Variants in LRRC70 observed in about 807,000 individuals in gnomAD.
LRRC70 encodes leucine-rich repeat-containing protein 70.
LRRC70 carries 31 observed loss-of-function variants against 42.4 expected under a neutral mutation model. That is an observed-to-expected ratio of 0.73 (90% CI 0.55 to 0.99). The LOEUF (loss-of-function observed/expected upper bound fraction) is 0.99, where lower values mean the gene tolerates loss of function less well. Among genes scored for constraint, LRRC70 ranks in the 50% least tolerant of loss-of-function variants. LRRC70 has a pLI of 0.00. For synonymous variants in LRRC70, 270 were observed against 262.9 expected (o/e 1.03, Z -0.26); for missense variants, 643 against 707.5 (o/e 0.91, Z 1.03).
rs1744502675 is a variant in LRRC70, at chr5:62,580,331, TGTTA to T, written c.894_897del (p.Leu299ArgfsTer3). ...AATTTAAATTCTGACACATTCAGTT[TGTTA>T]AAGAATTTAATTTACCTTAAGTTAG... On this transcript the variant is annotated frameshift_variant, in exon 2 of 2. Transcript: ENST00000334994. LOFTEE classifies it high-confidence loss of function. 3 of 1,539,254 alleles carry T rather than the reference TGTTA, an allele frequency of 1.9e-6. No individual in the cohort carries two copies. Among genetic ancestry groups the T allele is most frequent in the Non-Finnish European group, 2.6e-6 (3 of 1,135,956 alleles).
chr5:62,579,955 A>G lies in LRRC70; in HGVS notation c.517A>G (p.Ser173Gly). 1 of 1,551,232 alleles carries G rather than the reference A, an allele frequency of 6.4e-7. No homozygotes were observed. The highest frequency in any genetic ancestry group is 8.7e-7 in the Non-Finnish European group (1 of 1,146,728). ...LQRNRLTVLG[S>G]GTFVGMVALR... is the part of the protein sequence containing the mutation. Reference sequence around the variant, plus strand: ...AAGGAATCGCCTCACTGTCCTTGGGAGTGGTACCTTTGTTGGTATGGTTGC... The same window carrying G: ...AAGGAATCGCCTCACTGTCCTTGGGGGTGGTACCTTTGTTGGTATGGTTGC... Residue 173 changes from serine to glycine, a missense_variant, in exon 2 of 2, where the codon AGT becomes GGT. Ser to Gly is a moderately conservative substitution (Grantham distance 56, BLOSUM62 0). Transcript: ENST00000334994.
rs1294767411 is a variant in LRRC70 at position 62,580,545 on chromosome 5, C to T, written c.1107C>T (p.Gly369=). ...NPWECNCKLL[G]LRDWLASSAI... ...GGGAATGTAACTGCAAACTTTTGGG[C>T]CTTCGAGACTGGCTAGCATCTTCAG... Residue 369 remains glycine (G), a synonymous_variant, in exon 2 of 2, where the codon GGC becomes GGT. Transcript: ENST00000334994. 1.9e-6 allele frequency: 3 copies of T among 1,551,426 alleles called. No homozygotes were observed. The highest frequency in any genetic ancestry group is 1.7e-6 in the Non-Finnish European group (2 of 1,146,818).
Position 62,580,725 on chromosome 5 carries a change from G to T in LRRC70, c.1287G>T (p.Ala429=). ...CTCATATTCATCACAAGACTACTGC[G>T]CTAATGATGGCCTGGCATAAAGTAA... The part of the protein sequence containing the change: ...KSPHIHHKTT[A]LMMAWHKVTT... Residue 429 remains alanine, a synonymous_variant, in exon 2 of 2, where the codon GCG becomes GCT. Coordinates refer to ENST00000334994, the MANE Select transcript of LRRC70 (RefSeq NM_181506.5). 1 of 1,551,344 alleles carries T rather than the reference G, an allele frequency of 6.4e-7. No homozygotes were observed. Among genetic ancestry groups the T allele is most frequent in the Non-Finnish European group, 8.7e-7 (1 of 1,146,780 alleles).
chr5:62,581,173 A>G lies in LRRC70; in HGVS notation c.1735A>G (p.Asn579Asp). Residue 579 changes from asparagine (N) to aspartate (D), a missense_variant, in exon 2 of 2, where the codon AAT (asparagine) becomes GAT (aspartate). Physicochemically the swap from Asn to Asp is conservative, Grantham distance 23. Coordinates refer to ENST00000334994, the MANE Select transcript of LRRC70 (RefSeq NM_181506.5). ...CAGCTTTTATCAGTCAGCAAGGTATAATGTAACTGCCTCAATTTGTAACAC... is the reference window on the plus strand; with the variant it reads ...CAGCTTTTATCAGTCAGCAAGGTATGATGTAACTGCCTCAATTTGTAACAC... ...YYSFYQSARY[N>D]VTASICNTSP... The G allele has an allele frequency of 6.4e-7, 1 of 1,551,248 alleles. No individual in the cohort carries two copies. Among genetic ancestry groups the G allele is most frequent in the Non-Finnish European group, 8.7e-7 (1 of 1,146,770 alleles).
chr5:62,580,608 C>A lies in LRRC70; in HGVS notation c.1170C>A (p.Ser390=). 6.4e-7 allele frequency: 1 copy of A among 1,551,468 alleles called. No individual in the cohort carries two copies. Among genetic ancestry groups the A allele is most frequent in the Non-Finnish European group, 8.7e-7 (1 of 1,146,824 alleles). ...TLNIYCQNPP[S]MRGRALRYIN... ...ACATCTATTGTCAGAATCCCCCATC[C>A]ATGCGTGGCAGAGCATTACGTTATA... Residue 390 remains serine, a synonymous_variant, in exon 2 of 2, where the codon TCC becomes TCA. Transcript: ENST00000334994.
Position 62,579,870 on chromosome 5 carries a change from A to G in LRRC70, c.432A>G (p.Val144=), listed in dbSNP as rs1744477571. ...ATTTATATTTACAGTATAATCAGGTATCTTTTGTTCCGAGAGGAGTATTTA... is the reference window on the plus strand; with the variant it reads ...ATTTATATTTACAGTATAATCAGGTGTCTTTTGTTCCGAGAGGAGTATTTA... ...LRNLYLQYNQ[V]SFVPRGVFND... Residue 144 remains valine (V), a synonymous_variant, in exon 2 of 2, where the codon GTA becomes GTG. Coordinates refer to ENST00000334994, the MANE Select transcript of LRRC70 (RefSeq NM_181506.5). 1 of 1,550,056 alleles carries G rather than the reference A, an allele frequency of 6.5e-7. No homozygotes were observed. The highest frequency in any genetic ancestry group is 1.7e-4 in the Middle Eastern group (1 of 5,982).
chr5:62,580,897 C>A lies in LRRC70; in HGVS notation c.1459C>A (p.Gln487Lys). 1 of 1,551,376 alleles carries A rather than the reference C, an allele frequency of 6.4e-7. No homozygotes were observed. Among genetic ancestry groups the A allele is most frequent in the African/African-American group, 1.4e-5 (1 of 73,126 alleles). The change falls in exon 2 of 2, where the codon CAA (glutamine) becomes AAA (lysine). Residue 487 changes from glutamine to lysine, a missense_variant. Physicochemically the swap from Gln to Lys is moderately conservative, Grantham distance 53. Transcript: ENST00000334994. The stretch of plus-strand genomic sequence containing the variant: ...TACAGCAGTGTTACCTGTGCAAATA[C>A]AACTTACTACTTCTGTTACCTTGAA... ...ETTAVLPVQI[Q>K]LTTSVTLNLE...
Position 62,578,839 on chromosome 5 carries a change from A to G in LRRC70, c.-135A>G, listed in dbSNP as rs746626798. ...GTGGGGTGGAGGTCAGCAGTGCCACAGAACAAACTGGAGTTAAGAAATGTC... is the reference window on the plus strand; with the variant it reads ...GTGGGGTGGAGGTCAGCAGTGCCACGGAACAAACTGGAGTTAAGAAATGTC... On this transcript the variant is annotated 5_prime_UTR_variant, in exon 1 of 2. Transcript: ENST00000334994. The G allele has an allele frequency of 2.6e-6, 1 of 377,778 alleles. No homozygotes were observed. 23.4% of individuals were successfully genotyped at this position (377,778 alleles called of 1,614,324 possible).
Position 62,581,167 on chromosome 5 carries a change from A to T in LRRC70, c.1729A>T (p.Arg577Trp). The T allele has an allele frequency of 1.3e-6, 2 of 1,551,240 alleles. No homozygotes were observed. The highest frequency in any genetic ancestry group is 1.2e-5 in the South Asian group (1 of 83,964). The part of the protein sequence containing the change: ...LEYYSFYQSA[R>W]YNVTASICNT... Reference sequence around the variant, plus strand: ...ATACTACAGCTTTTATCAGTCAGCAAGGTATAATGTAACTGCCTCAATTTG... The same window carrying T: ...ATACTACAGCTTTTATCAGTCAGCATGGTATAATGTAACTGCCTCAATTTG... Residue 577 changes from arginine (R) to tryptophan (W), a missense_variant, in exon 2 of 2, where the codon AGG becomes TGG. Arg to Trp is a moderately radical substitution (Grantham distance 101). Transcript: ENST00000334994.
chr5:62,579,660 TA>T lies in LRRC70; in HGVS notation c.223del (p.Ile75Ter), dbSNP rs1561371252. Reference sequence around the variant, plus strand: ...ATCTGACTGGGAATAATATATCTTATATAAATGAAAGTGAATTAACAGGACT... The same window carrying T: ...ATCTGACTGGGAATAATATATCTTATTAAATGAAAGTGAATTAACAGGACT... ...LYLTGNNISY[I>X]NESELTGLHS... On this transcript the variant is annotated frameshift_variant, in exon 2 of 2. Transcript: ENST00000334994. LOFTEE classifies it high-confidence loss of function. 17 of 1,546,670 alleles carry T rather than the reference TA, an allele frequency of 1.1e-5. No individual in the cohort carries two copies. Among genetic ancestry groups the T allele is most frequent in the Non-Finnish European group, 1.2e-5 (14 of 1,144,618 alleles).
Position 62,581,245 on chromosome 5 carries a change from C to T in LRRC70, c.1807C>T (p.His603Tyr). 3 of 1,539,400 alleles carry T rather than the reference C, an allele frequency of 1.9e-6. No homozygotes were observed. The highest frequency in any genetic ancestry group is 2.6e-6 in the Non-Finnish European group (3 of 1,143,932). The change falls in exon 2 of 2, where the codon CAT (histidine) becomes TAT (tyrosine). Residue 603 changes from histidine to tyrosine, a missense_variant. Coordinates refer to ENST00000334994, the MANE Select transcript of LRRC70 (RefSeq NM_181506.5). ...TCCTGGCTTGGAGCAGATTCGACTT[C>T]ATAAACAAATTGTTCCTGAAAATGA... ...ESPGLEQIRL[H>Y]KQIVPENEAQ...
At position 62,580,934 on chromosome 5, in the gene LRRC70, A is replaced by G. The variant is rs1226238628; in HGVS notation, c.1496A>G (p.Asn499Ser). 1.3e-6 allele frequency: 2 copies of G among 1,551,244 alleles called. No homozygotes were observed. Among genetic ancestry groups the G allele is most frequent in the Non-Finnish European group, 1.7e-6 (2 of 1,146,826 alleles). Reference protein sequence around the residue: ...TTSVTLNLEKNSALPNDAASM... With the variant: ...TTSVTLNLEKSSALPNDAASM... ...TCTGTTACCTTGAACTTGGAAAAAA[A>G]CAGTGCTCTACCGAATGATGCTGCT... is the stretch of plus-strand genomic sequence containing the variant. The change falls in exon 2 of 2, where the codon AAC (asparagine) becomes AGC (serine). Residue 499 changes from asparagine to serine, a missense_variant. Physicochemically the swap from Asn to Ser is conservative, Grantham distance 46 (BLOSUM62 1). Coordinates refer to ENST00000334994, the MANE Select transcript of LRRC70 (RefSeq NM_181506.5).
At position 62,580,272 on chromosome 5, in the gene LRRC70, T is replaced by TA. The variant is rs1744499799; in HGVS notation, c.837dup (p.His280ThrfsTer7). 6.5e-7 allele frequency: 1 copy of TA among 1,540,814 alleles called. No homozygotes were observed. The highest frequency in any genetic ancestry group is 1.4e-5 in the African/African-American group (1 of 72,752). ...ATGGGTTTAGTGGAATTAATAATCT[T>TA]AAACATTTGATCTTAAGTCATAATG... On this transcript the variant is annotated frameshift_variant, in exon 2 of 2. Transcript: ENST00000334994. LOFTEE classifies it high-confidence loss of function.
chr5:62,579,507 A>G lies in LRRC70; in HGVS notation c.69A>G (p.Leu23=). 1.3e-6 allele frequency: 2 copies of G among 1,550,874 alleles called. No homozygotes were observed. Among genetic ancestry groups the G allele is most frequent in the Non-Finnish European group, 1.7e-6 (2 of 1,146,508 alleles). The change falls in exon 2 of 2, where the codon TTA becomes TTG. Residue 23 remains leucine, a synonymous_variant. Coordinates refer to ENST00000334994, the MANE Select transcript of LRRC70 (RefSeq NM_181506.5). The part of the protein sequence containing the change: ...LFLVVTCYLL[L]LLHKEILGCS... ...TGGTTGTTACCTGTTATCTTTTATTATTACTCCACAAAGAAATACTTGGAT... is the reference window on the plus strand; with the variant it reads ...TGGTTGTTACCTGTTATCTTTTATTGTTACTCCACAAAGAAATACTTGGAT...
chr5:62,580,376 T>A lies in LRRC70; in HGVS notation c.938T>A (p.Ile313Asn). Residue 313 changes from isoleucine to asparagine, a missense_variant, in exon 2 of 2, where the codon ATT (isoleucine) becomes AAT (asparagine). Physicochemically the swap from Ile to Asn is moderately radical, Grantham distance 149. Coordinates refer to ENST00000334994, the MANE Select transcript of LRRC70 (RefSeq NM_181506.5). ...IYLKLDRNRI[I>N]SIDNDTFENM... ...CTTAAGTTAGATAGAAACAGAATAA[T>A]TAGCATTGATAATGATACATTTGAA... The A allele has an allele frequency of 1.3e-6, 2 of 1,547,324 alleles. No individual in the cohort carries two copies. The highest frequency in any genetic ancestry group is 4.9e-5 in the East Asian group (2 of 40,878).
In LRRC70 at chr5:62,581,207, A is replaced by T; in HGVS notation, c.1769A>T (p.Asn590Ile). The change falls in exon 2 of 2, where the codon AAT becomes ATT. Residue 590 changes from asparagine (N) to isoleucine (I), a missense_variant. By Grantham distance (149) the Asn-to-Ile change is moderately radical. Coordinates refer to ENST00000334994, the MANE Select transcript of LRRC70 (RefSeq NM_181506.5). ...GCCTCAATTTGTAACACTTCCCCAA[A>T]TTCTCTAGAAAGTCCTGGCTTGGAG... Reference protein sequence around the residue: ...VTASICNTSPNSLESPGLEQI... With the variant: ...VTASICNTSPISLESPGLEQI... 5.8e-6 allele frequency: 9 copies of T among 1,550,950 alleles called. No individual in the cohort carries two copies. The highest frequency in any genetic ancestry group is 7.0e-6 in the Non-Finnish European group (8 of 1,146,688).
Position 62,580,711 on chromosome 5 carries a change from C to G in LRRC70, c.1273C>G (p.His425Asp), listed in dbSNP as rs1474591579. ...TGTTGTAAAATCTCCTCATATTCAT[C>G]ACAAGACTACTGCGCTAATGATGGC... Reference protein sequence around the residue: ...WAVVKSPHIHHKTTALMMAWH... With the variant: ...WAVVKSPHIHDKTTALMMAWH... Residue 425 changes from histidine (H) to aspartate (D), a missense_variant, in exon 2 of 2, where the codon CAC (histidine) becomes GAC (aspartate). Coordinates refer to ENST00000334994, the MANE Select transcript of LRRC70 (RefSeq NM_181506.5). 1.9e-6 allele frequency: 3 copies of G among 1,551,436 alleles called. 1 individual carries two copies. The South Asian group carries it at 3.6e-5, about 18-fold the overall frequency.
chr5:62,581,166 A>G lies in LRRC70; in HGVS notation c.1728A>G (p.Ala576=), dbSNP rs1363047386. ...RLEYYSFYQS[A]RYNVTASICN... is the part of the protein sequence containing the mutation. ...AATACTACAGCTTTTATCAGTCAGC[A>G]AGGTATAATGTAACTGCCTCAATTT... Residue 576 remains alanine, a synonymous_variant, in exon 2 of 2, where the codon GCA becomes GCG. Transcript: ENST00000334994. The G allele has an allele frequency of 6.4e-7, 1 of 1,551,238 alleles. No individual in the cohort carries two copies. The highest frequency in any genetic ancestry group is 8.7e-7 in the Non-Finnish European group (1 of 1,146,758).
Position 62,580,850 on chromosome 5 carries a change from C to A in LRRC70, c.1412C>A (p.Ala471Asp). ...SPAGRFFQEN[A>D]FGNPLETTAV... is the part of the protein sequence containing the mutation. ...GCTGGTAGATTTTTTCAAGAGAATG[C>A]CTTTGGTAATCCATTAGAGACTACA... Residue 471 changes from alanine (A) to aspartate (D), a missense_variant, in exon 2 of 2, where the codon GCC becomes GAC. Coordinates refer to ENST00000334994, the MANE Select transcript of LRRC70 (RefSeq NM_181506.5). 6.4e-7 allele frequency: 1 copy of A among 1,551,258 alleles called. No homozygotes were observed. The highest frequency in any genetic ancestry group is 1.2e-5 in the South Asian group (1 of 84,054).
Sources: gnomAD v4.1 joint callset for allele counts on GRCh38, gnomAD v4.1.1 for gene constraint, MANE v1.5 for transcripts, NCBI Gene and HGNC (gene_info 2026-07-23, HGNC 2026-07-21) for gene names.